The following CYRIB variants were observed in gnomAD, a reference collection of about 807,000 sequenced individuals.
The protein encoded by CYRIB is CYFIP related Rac1 interactor B, also known as CYFIP-related Rac1 interactor B.
In CYRIB, 8 loss-of-function variants were observed where a neutral mutation model predicts 44.2. That is an observed-to-expected ratio of 0.18 (90% CI 0.11 to 0.33). The LOEUF is 0.33. Ranked by LOEUF, CYRIB falls within the 10% of genes least tolerant of loss-of-function variation. The probability of loss-of-function intolerance (pLI) is 1.00; values close to 1 mark genes in which losing one functional copy is unlikely to be tolerated. For synonymous variants in CYRIB, 131 were observed against 127.2 expected (o/e 1.03, Z -0.20); for missense variants, 185 against 382.8 (o/e 0.48, Z 4.31).
intron 1 of CYRIB, among the ~76,000 whole-genome samples, chr8:129,914,663 G>A (rs920836126): frequency 2.0e-5 from 3 of 152,102 alleles, no homozygotes; most frequent in Non-Finnish European, 4.4e-5. Flanking sequence ...ACTGTACTAA[G>A]TAAATACTAG....
chr8:129,843,271 T>C (rs1301477437), intron 11 of CYRIB, among the ~76,000 whole-genome samples: 3 of 152,212 alleles, frequency 2.0e-5, no homozygotes, highest in East Asian at 1.9e-4. Context: ...TTGGAGATTA[T>C]TTTAAGTGCA....
At chr8:129,886,453 C>G (rs1049343365) in intron 2 of CYRIB, among the ~76,000 whole-genome samples, 2 of 152,184 alleles carry the variant, frequency 1.3e-5, no homozygotes, top group South Asian at 2.1e-4. Context: ...TTTCTTCCAT[C>G]TTAAAACATA....
intron 1 of CYRIB, among the ~76,000 whole-genome samples, chr8:129,977,685 C>T (rs1275840550): frequency 6.6e-6 from 1 of 152,146 alleles, no homozygotes; most frequent in Non-Finnish European, 1.5e-5. Flanking sequence ...GCGCCCGCCA[C>T]CACGCCCGGC....
chr8:129,907,338 A>G (rs562617687), intron 1 of CYRIB, among the ~76,000 whole-genome samples: 4 of 150,006 alleles, frequency 2.7e-5, no homozygotes, highest in African/African-American at 1.0e-4. Flanking sequence ...TCAGCAACCT[A>G]TCGCAGAACA....
At chr8:129,930,387 T>C (rs1489670193) in intron 1 of CYRIB, among the ~76,000 whole-genome samples, 2 of 4,582 alleles carry the variant, frequency 4.4e-4, no homozygotes, top group African/African-American at 8.9e-4. Context: ...ATATTTTAAT[T>C]ATTTAAATCC....
At chr8:129,992,441 C>T (rs974927689) in intron 1 of CYRIB, among the ~76,000 whole-genome samples, 2 of 152,222 alleles carry the variant, frequency 1.3e-5, no homozygotes, top group Non-Finnish European at 2.9e-5. Context: ...CCTCTTGGAA[C>T]AGCGCTCACA....
At chr8:129,930,197 C>T (rs1203931947) in intron 1 of CYRIB, among the ~76,000 whole-genome samples, 6 of 150,622 alleles carry the variant, frequency 4.0e-5, no homozygotes, top group Non-Finnish European at 1.5e-5. Context: ...AGTGACAGAG[C>T]GAGACTCTGT....
At chr8:129,939,184 CAG>C (rs1165818498) in intron 1 of CYRIB, among the ~76,000 whole-genome samples, 2 of 150,990 alleles carry the variant, frequency 1.3e-5, no homozygotes, top group African/African-American at 4.9e-5. Flanking sequence ...GGGACGGGAA[CAG>C]GGGATGAGGA....
chr8:129,865,518 A>C (rs902959272), intron 4 of CYRIB, among the ~76,000 whole-genome samples: 1 of 152,190 alleles, frequency 6.6e-6, no homozygotes, highest in Non-Finnish European at 1.5e-5. Context: ...AATTTAATCT[A>C]TTGTTTCATT....
intron 2 of CYRIB, among the ~76,000 whole-genome samples, chr8:129,965,508 A>T (rs895238990): frequency 2.0e-5 from 3 of 152,140 alleles, no homozygotes; most frequent in Non-Finnish European, 4.4e-5. Context: ...TTAAGAATAT[A>T]CATTCAGGCC....
At chr8:129,987,513 T>A (rs1018251609) in intron 1 of CYRIB, among the ~76,000 whole-genome samples, 2 of 151,578 alleles carry the variant, frequency 1.3e-5, no homozygotes, top group African/African-American at 4.9e-5. Flanking sequence ...CGGACTACAT[T>A]CTCTCGCCTG....
intron 2 of CYRIB, among the ~76,000 whole-genome samples, chr8:129,961,155 A>C (rs925010749): frequency 6.6e-6 from 1 of 152,158 alleles, no homozygotes; most frequent in Non-Finnish European, 1.5e-5. Context: ...TCCCCTGAAA[A>C]ATGGAGACAA....
intron 1 of CYRIB, among the ~76,000 whole-genome samples, chr8:130,013,284 A>G (rs1421416402): frequency 1.3e-5 from 2 of 152,172 alleles, no homozygotes; most frequent in Admixed American, 6.5e-5. Flanking sequence ...AGATGAGAAC[A>G]CTGAGGCTCC....
At chr8:129,940,448 GA>G (rs1348021015), upstream of CYRIB, among the ~76,000 whole-genome samples, 2 of 152,252 alleles carry the variant, frequency 1.3e-5, no homozygotes, top group African/African-American at 4.8e-5. Flanking sequence ...ACAAAAATTA[GA>G]CTCCACTTAC....
At chr8:129,988,647 C>T (rs1199462473) in intron 1 of CYRIB, among the ~76,000 whole-genome samples, 1 of 152,156 alleles carries the variant, frequency 6.6e-6, no homozygotes, top group Non-Finnish European at 1.5e-5. Flanking sequence ...ATTGAAAGGA[C>T]CTCATAAACA....
intron 1 of CYRIB, among the ~76,000 whole-genome samples, chr8:129,973,557 G>C (rs1450121096): frequency 6.6e-6 from 1 of 152,200 alleles, no homozygotes; most frequent in Non-Finnish European, 1.5e-5. Context: ...GCTGAAGTCG[G>C]CTCCAGAGGA....
chr8:129,998,293 C>T (rs1396002519), intron 1 of CYRIB, among the ~76,000 whole-genome samples: 2 of 152,204 alleles, frequency 1.3e-5, no homozygotes, highest in East Asian at 3.9e-4. Flanking sequence ...CAAGTCGGTA[C>T]CTGGGTACAG....
At chr8:129,898,011 G>A (rs923678825) in intron 2 of CYRIB, among the ~76,000 whole-genome samples, 1 of 151,938 alleles carries the variant, frequency 6.6e-6, no homozygotes, top group African/African-American at 2.4e-5. Context: ...TGATCCACCC[G>A]CCTCGGCCTC....
At chr8:129,846,997 A>G in intron 10 of CYRIB, 123 bp from the exon 13 acceptor site, 1 of 570,168 alleles carries the variant, frequency 1.8e-6, no homozygotes, top group Non-Finnish European at 3.0e-6. Context: ...ACTATGTCAA[A>G]TTAATTATTC....
Sources: gnomAD v4.1 joint callset for allele counts (sites outside exome capture counted in the v4.1 genomes callset) on GRCh38, gnomAD v4.1.1 for gene constraint, MANE v1.5 for transcripts, NCBI Gene and HGNC (gene_info 2026-07-23, HGNC 2026-07-21) for gene names.